Variants in PTPRD observed in about 807,000 individuals in gnomAD.
The protein encoded by PTPRD is receptor-type tyrosine-protein phosphatase delta.
A neutral mutation model predicts 214.5 loss-of-function variants in PTPRD; 34 were observed. That is an observed-to-expected ratio of 0.16 (90% CI 0.12 to 0.21). The LOEUF (loss-of-function observed/expected upper bound fraction) is 0.21, where lower values mean the gene tolerates loss of function less well. Among genes scored for constraint, PTPRD ranks in the 10% least tolerant of loss-of-function variants. The pLI is 1.00. For missense variants in PTPRD, 2,545 were observed against 2,398.7 expected, an observed-to-expected ratio of 1.06 and a Z score of -1.27; for synonymous variants, 1,128 against 845.7, an observed-to-expected ratio of 1.33 and a Z score of -5.79.
chr9:8,924,789 G>T (rs1365246104), intron 11 of PTPRD, among the ~76,000 whole-genome samples: 1 of 152,118 alleles, frequency 6.6e-6, no homozygotes, highest in Non-Finnish European at 1.5e-5. Context: ...ACCCAGATGT[G>T]AACTAGGCTA....
At chr9:10,268,515 C>A (rs1391023732) in intron 3 of PTPRD, among the ~76,000 whole-genome samples, 1 of 152,120 alleles carries the variant, frequency 6.6e-6, no homozygotes, top group Non-Finnish European at 1.5e-5. Context: ...GGCTAACAAT[C>A]TGTTACCAAG....
At chr9:9,529,172 TC>T in intron 8 of PTPRD, among the ~76,000 whole-genome samples, 1 of 151,538 alleles carries the variant, frequency 6.6e-6, no homozygotes, top group Non-Finnish European at 1.5e-5. Context: ...GACCTCGTGA[TC>T]CGCCCGCCTT....
At chr9:8,502,431 G>A (rs1055435998) in intron 23 of PTPRD, among the ~76,000 whole-genome samples, 1 of 152,026 alleles carries the variant, frequency 6.6e-6, no homozygotes, top group South Asian at 2.1e-4. Context: ...GGGATTATCA[G>A]TCTTTCTTAA....
intron 10 of PTPRD, among the ~76,000 whole-genome samples, chr9:9,118,449 A>T (rs1357544905): frequency 6.6e-6 from 1 of 152,190 alleles, no homozygotes; most frequent in Admixed American, 6.5e-5. Context: ...TTTAGTACCC[A>T]GCAACTTTTT....
intron 11 of PTPRD, among the ~76,000 whole-genome samples, chr9:8,991,070 T>A (rs2099364542): frequency 6.8e-6 from 1 of 147,532 alleles, no homozygotes; most frequent in African/African-American, 2.5e-5. Context: ...AAAAAAAAAA[T>A]TAGCCAGGCA....
rs185838783 is a variant in PTPRD at position 9,171,765 on chromosome 9, C to G, written c.-143+11539G>C. Among the ~76,000 whole-genome samples, 232 of 151,990 alleles carry G rather than the reference C, an allele frequency of 1.5e-3. 1 individual carries two copies. The highest frequency in any genetic ancestry group is 6.8e-3 in the Middle Eastern group (2 of 294). ...ATATATGAAAAATCCTTAGCAGAAG[C>G]AATTATGTAACAGCCTCTTGGCATG... On this transcript the variant is annotated intron_variant, in intron 10 of 45. Transcript: ENST00000381196.
chr9:9,184,050 T>C (rs2099929891), intron 9 of PTPRD, among the ~76,000 whole-genome samples: 1 of 152,106 alleles, frequency 6.6e-6, no homozygotes, highest in Non-Finnish European at 1.5e-5. Context: ...TGCTTTATTT[T>C]GTTTAGCACA....
chr9:8,495,555 A>T (rs2097245792), intron 26 of PTPRD, among the ~76,000 whole-genome samples: 1 of 152,240 alleles, frequency 6.6e-6, no homozygotes, highest in African/African-American at 2.4e-5. Flanking sequence ...CAATTTAGTC[A>T]GTCATGACCA....
rs768355053 is a variant in PTPRD, at chr9:8,518,039, T to C, written c.1352A>G (p.Tyr451Cys). ...PEEPNGQIQG[Y>C]RVYYTMDPTQ... ...GGGATCCATTGTATAATAAACTCTA[T>C]ATCCTTGGATCTGTCCATTTGGCTC... Residue 451 changes from tyrosine to cysteine, a missense_variant, in exon 21 of 46, where the codon TAT becomes TGT. By Grantham distance (194) the Tyr-to-Cys change is radical. Transcript: ENST00000381196. 6.2e-7 allele frequency: 1 copy of C among 1,614,206 alleles called. No homozygotes were observed. The highest frequency in any genetic ancestry group is 1.1e-5 in the South Asian group (1 of 91,084).
In PTPRD at chr9:9,845,914, G is replaced by A. The variant is rs1029196852; in HGVS notation, c.-367-79063C>T. Among the ~76,000 whole-genome samples the A allele has an allele frequency of 3.9e-5, 6 of 152,048 alleles. No homozygotes were observed. The East Asian group carries it at 1.2e-3, about 29-fold the overall frequency. ...CAGAGGAAGTTAATGACATACACCT[G>A]GAGCAGAGAAGGAGCAGAGTAACTC... On this transcript the variant is annotated intron_variant, in intron 5 of 45. Coordinates refer to ENST00000381196, the MANE Select transcript of PTPRD (RefSeq NM_002839.4).
At chr9:9,441,745 G>A (rs114858493) in intron 8 of PTPRD, among the ~76,000 whole-genome samples, 1,816 of 152,196 alleles carry the variant, frequency 0.012, 33 homozygotes, top group African/African-American at 0.041. Context: ...TGGCATTAAT[G>A]TCCCTTTTGA....
chr9:10,295,223 A>C (rs2095641242), intron 3 of PTPRD, among the ~76,000 whole-genome samples: 1 of 152,068 alleles, frequency 6.6e-6, no homozygotes, highest in South Asian at 2.1e-4. Flanking sequence ...AAAGACCATC[A>C]AACAATTCTG....
chr9:8,485,404 C>G, intron 28 of PTPRD, 80 bp from the exon 29 acceptor site: 1 of 948,632 alleles, frequency 1.1e-6, no homozygotes. Context: ...ACCATAGGGG[C>G]TTATGCTAGA....
At chr9:9,004,750 G>C (rs2099449712) in intron 11 of PTPRD, among the ~76,000 whole-genome samples, 1 of 152,002 alleles carries the variant, frequency 6.6e-6, no homozygotes, top group South Asian at 2.1e-4. Context: ...ACCTCCCCTA[G>C]AGCCCATAAA....
intron 37 of PTPRD, among the ~76,000 whole-genome samples, chr9:8,387,647 T>C (rs2087648233): frequency 6.6e-6 from 1 of 152,164 alleles, no homozygotes; most frequent in Non-Finnish European, 1.5e-5. Flanking sequence ...GAAGCACGTG[T>C]GTTCTGGAGC....
chr9:9,825,322 A>G (rs897179583), intron 5 of PTPRD, among the ~76,000 whole-genome samples: 1 of 151,584 alleles, frequency 6.6e-6, no homozygotes, highest in Admixed American at 6.6e-5. Context: ...AAGAGAAAGA[A>G]AGAGAGAGAG....
At chr9:10,476,441 G>A (rs1434734536) in intron 2 of PTPRD, among the ~76,000 whole-genome samples, 1 of 152,038 alleles carries the variant, frequency 6.6e-6, no homozygotes, top group African/African-American at 2.4e-5. Context: ...GGACATGAAG[G>A]ACCTCTTCAA....
chr9:9,301,957 T>C (rs1955484472), intron 9 of PTPRD, among the ~76,000 whole-genome samples: 1 of 151,930 alleles, frequency 6.6e-6, no homozygotes. Flanking sequence ...TGATTTGCTA[T>C]GTTGGTTCAT....
chr9:10,074,818 C>T (rs568817251), intron 3 of PTPRD, among the ~76,000 whole-genome samples: 3 of 152,182 alleles, frequency 2.0e-5, no homozygotes, highest in South Asian at 2.1e-4. Context: ...AGCATCAATC[C>T]GAAGCCATCT....
Sources: allele counts gnomAD v4.1 joint callset (sites outside exome capture counted in the v4.1 genomes callset), GRCh38; gene constraint gnomAD v4.1.1; transcripts MANE v1.5; gene names NCBI Gene and HGNC (gene_info 2026-07-23, HGNC 2026-07-21).